GCNT2: variants seen among roughly 807,000 people sequenced by gnomAD.
GCNT2 encodes glucosaminyl (N-acetyl) transferase 2 (I blood group), also known as N-acetyllactosaminide beta-1,6-N-acetylglucosaminyl-transferase.
A neutral mutation model predicts 34.2 loss-of-function variants in GCNT2; 34 were observed. That is an observed-to-expected ratio of 1.00 (90% CI 0.76 to 1.32). GCNT2 has a LOEUF of 1.32. Among genes scored for constraint, GCNT2 ranks in the 40% most tolerant of loss-of-function variants. The probability of loss-of-function intolerance (pLI) is 0.00; values close to 1 mark genes in which losing one functional copy is unlikely to be tolerated. For missense variants in GCNT2, 584 were observed against 489.4 expected, an observed-to-expected ratio of 1.19 and a Z score of -1.82; for synonymous variants, 212 against 188.0, an observed-to-expected ratio of 1.13 and a Z score of -1.04.
At chr6:10,579,721 C>T (rs866597776) in intron 3 of GCNT2, among the ~76,000 whole-genome samples, 1 of 146,778 alleles carries the variant, frequency 6.8e-6, no homozygotes, top group Non-Finnish European at 1.5e-5. Flanking sequence ...GAGGTTGAGG[C>T]AAGAGAATGG....
intron 3 of GCNT2, among the ~76,000 whole-genome samples, chr6:10,543,366 T>G (rs1327759379): frequency 1.3e-5 from 2 of 151,938 alleles, no homozygotes; most frequent in Non-Finnish European, 2.9e-5. Context: ...CTTGTTTGTA[T>G]TTTTAGTAGA....
chr6:10,529,909 A>G, intron 3 of GCNT2, 73 bp downstream of exon 3: 1 of 1,223,434 alleles, frequency 8.2e-7, no homozygotes, highest in Non-Finnish European at 1.2e-6. Flanking sequence ...TTGCTTTGAA[A>G]AGAGTGGAAA....
chr6:10,586,334 G>A (rs755712592), intron 3 of GCNT2: 3 of 1,614,058 alleles, frequency 1.9e-6, no homozygotes, highest in Non-Finnish European at 2.5e-6. Context: ...GGCTCTTTAG[G>A]GCTATCTATA....
chr6:10,559,458 G>A (rs1004053849), intron 3 of GCNT2, among the ~76,000 whole-genome samples: 1 of 152,156 alleles, frequency 6.6e-6, no homozygotes, highest in African/African-American at 2.4e-5. Context: ...AGAACCTCAT[G>A]GGACCTCAAA....
rs570974335 is a variant in GCNT2, at chr6:10,539,784, G to T, written c.925+9948G>T. On this transcript the variant is annotated intron_variant, in intron 3 of 4. Transcript: ENST00000495262. ...TTGAAAGCATAAGGTCTAATTTTTG[G>T]TTAGAAATCAGGTATGTGAGGCCGG... Among the ~76,000 whole-genome samples, 142 of 152,314 alleles carry T rather than the reference G, an allele frequency of 9.3e-4. 1 individual carries two copies. The highest frequency in any genetic ancestry group is 1.6e-3 in the Non-Finnish European group (111 of 68,028).
chr6:10,582,301 ATT>A (rs1561816336), intron 3 of GCNT2, among the ~76,000 whole-genome samples: 13 of 119,354 alleles, frequency 1.1e-4, no homozygotes, highest in African/African-American at 3.1e-4. Flanking sequence ...ATTACTATAT[ATT>A]TAATATATAG....
At chr6:10,540,752 T>G (rs962195626) in intron 3 of GCNT2, among the ~76,000 whole-genome samples, 1 of 152,176 alleles carries the variant, frequency 6.6e-6, no homozygotes, top group Admixed American at 6.5e-5. Flanking sequence ...ACAGGAAGTT[T>G]ATTTTCTGAT....
intron 3 of GCNT2, chr6:10,586,782 G>T (rs779051978): frequency 3.7e-6 from 6 of 1,614,044 alleles, no homozygotes; most frequent in Admixed American, 1.7e-5. Context: ...CTTTGGCACT[G>T]CCTATGTGGC....
intron 3 of GCNT2, among the ~76,000 whole-genome samples, chr6:10,603,504 A>T (rs6456576): frequency 6.6e-6 from 1 of 152,004 alleles, no homozygotes. Context: ...GGAGGGAAAG[A>T]CATAAGCCAC....
chr6:10,569,274 C>CACACACACACA (rs1491123758), intron 3 of GCNT2, among the ~76,000 whole-genome samples: 29 of 137,144 alleles, frequency 2.1e-4, no homozygotes, highest in Non-Finnish European at 2.9e-4. Context: ...CACACACACA[C>CACACACACACA]CCCCTAGGTA....
At chr6:10,548,003 G>GA (rs1346795480) in intron 3 of GCNT2, among the ~76,000 whole-genome samples, 1 of 152,204 alleles carries the variant, frequency 6.6e-6, no homozygotes, top group Non-Finnish European at 1.5e-5. Context: ...TGGCACAGGA[G>GA]ATGTTCCAAG....
At chr6:10,598,052 C>A (rs1391120546) in intron 3 of GCNT2, among the ~76,000 whole-genome samples, 3 of 152,092 alleles carry the variant, frequency 2.0e-5, no homozygotes, top group African/African-American at 7.2e-5. Flanking sequence ...TGTCACTTAA[C>A]CTCTCTGGGC....
At position 10,628,457 on chromosome 6, in the gene GCNT2, G is replaced by A. The variant is rs987472506; in HGVS notation, c.*1850G>A. The A allele has an allele frequency of 6.6e-6, 1 of 152,138 alleles. No homozygotes were observed. The highest frequency in any genetic ancestry group is 1.5e-5 in the Non-Finnish European group (1 of 68,014). 9.4% of individuals were successfully genotyped at this position (152,138 alleles called of 1,614,324 possible). ...GTTGTTTTGGGTGGTAAAGTGTTAA[G>A]GAATAGGGACAGCTGGTCACACAAG... On this transcript the variant is annotated 3_prime_UTR_variant, in exon 5 of 5. Transcript: ENST00000495262.
At chr6:10,552,399 C>A (rs1157184533) in intron 3 of GCNT2, among the ~76,000 whole-genome samples, 1 of 151,916 alleles carries the variant, frequency 6.6e-6, no homozygotes, top group Non-Finnish European at 1.5e-5. Context: ...ATTCAACCAA[C>A]CTCAGCACTC....
chr6:10,613,037 T>C (rs528027384), intron 3 of GCNT2, among the ~76,000 whole-genome samples: 1 of 152,312 alleles, frequency 6.6e-6, no homozygotes, highest in South Asian at 2.1e-4. Flanking sequence ...ATTTAACATT[T>C]AAAAACAAAA....
At chr6:10,544,203 A>G (rs1299532577) in intron 3 of GCNT2, among the ~76,000 whole-genome samples, 1 of 152,116 alleles carries the variant, frequency 6.6e-6, no homozygotes, top group Non-Finnish European at 1.5e-5. Flanking sequence ...AATCCCAGCT[A>G]CTTGGGAGGC....
chr6:10,529,605 G>A lies in GCNT2; in HGVS notation c.694G>A (p.Val232Ile), dbSNP rs773968312. 3.8e-5 allele frequency: 61 copies of A among 1,613,826 alleles called. 1 individual carries two copies. Among genetic ancestry groups the A allele is most frequent in the South Asian group, 2.7e-4 (25 of 91,072 alleles). The change falls in exon 3 of 5, where the codon GTC (valine) becomes ATC (isoleucine). Residue 232 changes from valine to isoleucine, a missense_variant. Transcript: ENST00000495262. ...CCACGCTGTTGGACGGACTAAATAC[G>A]TCCACCAAGAACTGTTAAACCACAA... is the stretch of plus-strand genomic sequence containing the variant. The part of the protein sequence containing the change: ...PDHAVGRTKY[V>I]HQELLNHKNS...
chr6:10,585,323 G>T (rs767610439), intron 3 of GCNT2, among the ~76,000 whole-genome samples: 2 of 152,058 alleles, frequency 1.3e-5, no homozygotes, highest in Non-Finnish European at 2.9e-5. Flanking sequence ...GAGACTACAC[G>T]TGCGTGCCAC....
intron 3 of GCNT2, chr6:10,586,836 G>A (rs766361350): frequency 1.2e-6 from 2 of 1,612,680 alleles, no homozygotes; most frequent in Admixed American, 3.3e-5. Flanking sequence ...TGACCAAAGG[G>A]CCATTGATCT....
Sources: gnomAD v4.1 joint callset for allele counts (sites outside exome capture counted in the v4.1 genomes callset) on GRCh38, gnomAD v4.1.1 for gene constraint, MANE v1.5 for transcripts, NCBI Gene and HGNC (gene_info 2026-07-23, HGNC 2026-07-21) for gene names.